B4GALT7: variants seen among roughly 807,000 people sequenced by gnomAD.
B4GALT7 encodes the protein beta-1,4-galactosyltransferase 7.
In B4GALT7, 30 loss-of-function variants were observed where a neutral mutation model predicts 33.0. The observed-to-expected ratio is 0.91, with a 90% CI of 0.68 to 1.23. B4GALT7 has a LOEUF of 1.23. Among genes scored for constraint, B4GALT7 ranks in the 50% most tolerant of loss-of-function variants. The probability of loss-of-function intolerance (pLI) is 0.00; values close to 1 mark genes in which losing one functional copy is unlikely to be tolerated. For synonymous variants in B4GALT7, 213 were observed against 187.2 expected, an observed-to-expected ratio of 1.14 and a Z score of -1.13; for missense variants, 507 against 450.8, an observed-to-expected ratio of 1.12 and a Z score of -1.13.
rs777092684 is a variant in B4GALT7, at chr5:177,604,367, C to A, written c.239C>A (p.Pro80His). 6.2e-7 allele frequency: 1 copy of A among 1,613,030 alleles called. No individual in the cohort carries two copies. Among genetic ancestry groups the A allele is most frequent in the South Asian group, 1.1e-5 (1 of 91,032 alleles). The change falls in exon 2 of 6, where the codon CCC becomes CAC. Residue 80 changes from proline to histidine, a missense_variant. Transcript: ENST00000029410. ...CCCCGTGCCTGCCCCCCAGAGCCGCCCCCTGAGCACTGGGAAGAAGACGCA... is the reference window on the plus strand; with the variant it reads ...CCCCGTGCCTGCCCCCCAGAGCCGCACCCTGAGCACTGGGAAGAAGACGCA... ...GPPRACPPEP[P>H]PEHWEEDASW...
chr5:177,606,708 C>G lies in B4GALT7; in HGVS notation c.414-594C>G. On this transcript the variant is annotated intron_variant, in intron 2 of 5. Coordinates refer to ENST00000029410, the MANE Select transcript of B4GALT7 (RefSeq NM_007255.3). This position sits in a 1 kb window ranked among gnomAD's most constrained non-coding sequence, Gnocchi z 4.2. ...ACCCATCTTACCCGAGTCAAAGCCC[C>G]GTCCTTCAGTGGCCCTTGGGCCTTG... The G allele has an allele frequency of 4.9e-6, 1 of 206,128 alleles. No homozygotes were observed. The highest frequency in any genetic ancestry group is 8.6e-5 in the South Asian group (1 of 11,586). 12.8% of individuals were successfully genotyped at this position (206,128 alleles called of 1,614,324 possible).
chr5:177,604,104 G>C lies in B4GALT7; in HGVS notation c.51-75G>C, dbSNP rs535989764. ...ACGAGTTATGTGCAGCCTCCTCGTGGGGAGGCCAGAGAACGGGTCTGTCAC... is the reference window on the plus strand; with the variant it reads ...ACGAGTTATGTGCAGCCTCCTCGTGCGGAGGCCAGAGAACGGGTCTGTCAC... On this transcript the variant is annotated intron_variant, in intron 1 of 5. Coordinates refer to ENST00000029410, the MANE Select transcript of B4GALT7 (RefSeq NM_007255.3). 2.5e-6 allele frequency: 4 copies of C among 1,600,300 alleles called. No homozygotes were observed. In the African/African-American group the frequency reaches 4.0e-5, roughly 16 times the overall value.
At position 177,604,479 on chromosome 5, in the gene B4GALT7, C is replaced by T. The variant is rs1478881105; in HGVS notation, c.351C>T (p.Arg117=). 11 of 1,614,048 alleles carry T rather than the reference C, an allele frequency of 6.8e-6. No individual in the cohort carries two copies. The African/African-American group carries it at 1.3e-4, about 20-fold the overall frequency. ...ELLVFVPHMR[R]FLSRKKIRHH... is the part of the protein sequence containing the mutation. Reference sequence around the variant, plus strand: ...TGGTCTTCGTGCCCCACATGCGCCGCTTCCTGAGCAGGAAGAAGATCCGGC... The same window carrying T: ...TGGTCTTCGTGCCCCACATGCGCCGTTTCCTGAGCAGGAAGAAGATCCGGC... The change falls in exon 2 of 6, where the codon CGC becomes CGT. Residue 117 remains arginine (R), a synonymous_variant. Coordinates refer to ENST00000029410, the MANE Select transcript of B4GALT7 (RefSeq NM_007255.3).
At chr5:177,602,358 T>C (rs1767869623) in intron 1 of B4GALT7, among the ~76,000 whole-genome samples, 1 of 152,190 alleles carries the variant, frequency 6.6e-6, no homozygotes, top group Non-Finnish European at 1.5e-5. Context: ...CCTGACTGCC[T>C]TACCCCTTTC....
intron 1 of B4GALT7, chr5:177,602,752 C>A: frequency 1.2e-6 from 1 of 865,076 alleles, no homozygotes; most frequent in Non-Finnish European, 1.4e-6. Context: ...CTTTGACTGT[C>A]AGGCCAAAGG....
In B4GALT7 at chr5:177,600,457, C is replaced by G. The variant is rs1767815829; in HGVS notation, c.50+197C>G. 6.6e-6 allele frequency among the ~76,000 whole-genome samples: 1 copy of G among 151,754 alleles called. No individual in the cohort carries two copies. Among genetic ancestry groups the G allele is most frequent in the African/African-American group, 2.4e-5 (1 of 41,306 alleles). On this transcript the variant is annotated intron_variant, in intron 1 of 5. Transcript: ENST00000029410. The surrounding 1 kb of genome is among the most constrained non-coding windows in gnomAD (Gnocchi z 4.4). ...CCTGTGGGTCTCTGCCTCCCCCGCC[C>G]CCTCTCCCTTTCCGCGGCACTCGTC... is the stretch of plus-strand genomic sequence containing the variant.
Position 177,608,838 on chromosome 5 carries a change from C to A in B4GALT7, c.724-72C>A. 1 of 1,385,604 alleles carries A rather than the reference C, an allele frequency of 7.2e-7. No individual in the cohort carries two copies. The highest frequency in any genetic ancestry group is 1.0e-6 in the Non-Finnish European group (1 of 976,768). The allele number at this position is 1,385,604 out of a possible 1,614,324, so 85.8% of individuals were successfully genotyped here. Reference sequence around the variant, plus strand: ...GAGTGCAGGTCCCTTCCTGTGGGACCTCGGGAGCTGGTGGTGAGGGCTGGG... The same window carrying A: ...GAGTGCAGGTCCCTTCCTGTGGGACATCGGGAGCTGGTGGTGAGGGCTGGG... On this transcript the variant is annotated intron_variant, in intron 4 of 5. Transcript: ENST00000029410. The surrounding 1 kb of genome is among the most constrained non-coding windows in gnomAD (Gnocchi z 4.1).
chr5:177,606,263 C>T lies in B4GALT7; in HGVS notation c.414-1039C>T, dbSNP rs542545472. ...CCCAGCCATCTACACAGTCCCTCCA[C>T]GTGGTGGCCTCAGAGCTACTGCAAG... On this transcript the variant is annotated intron_variant, in intron 2 of 5. Transcript: ENST00000029410. This position sits in a 1 kb window ranked among gnomAD's most constrained non-coding sequence, Gnocchi z 4.2. 139 of 152,558 alleles carry T rather than the reference C, an allele frequency of 9.1e-4. No homozygotes were observed. Among genetic ancestry groups the T allele is most frequent in the African/African-American group, 3.2e-3 (131 of 41,562 alleles). 9.5% of individuals were successfully genotyped at this position (152,558 alleles called of 1,614,324 possible). A position where few individuals can be genotyped will look rare whatever the true frequency, so the allele number is the denominator to read the frequency against.
chr5:177,607,042 T>C (rs1768034744), intron 2 of B4GALT7: 1 of 565,660 alleles, frequency 1.8e-6, no homozygotes, highest in Non-Finnish European at 3.2e-6. Context: ...CTTGTTTCTG[T>C]TTCCTTCTAT....
chr5:177,607,016 C>A, intron 2 of B4GALT7: 2 of 511,988 alleles, frequency 3.9e-6, no homozygotes, highest in Middle Eastern at 5.5e-4. Context: ...CCACTGCTGG[C>A]CACGCTTTGT....
Position 177,600,426 on chromosome 5 carries a change from TCTGTCC to T in B4GALT7, c.50+171_50+176del, listed in dbSNP as rs1767815423. Among the ~76,000 whole-genome samples the T allele has an allele frequency of 6.6e-6, 1 of 152,106 alleles. No homozygotes were observed. Among genetic ancestry groups the T allele is most frequent in the Non-Finnish European group, 1.5e-5 (1 of 68,004 alleles). Reference sequence around the variant, plus strand: ...CCCTGGCGCTCTGTTCCGGTTTCTGTCTGTCCCTGTGGGTCTCTGCCTCCCCCGCCC... The same window carrying T: ...CCCTGGCGCTCTGTTCCGGTTTCTGTCTGTGGGTCTCTGCCTCCCCCGCCC... On this transcript the variant is annotated intron_variant, in intron 1 of 5. Coordinates refer to ENST00000029410, the MANE Select transcript of B4GALT7 (RefSeq NM_007255.3). The surrounding 1 kb of genome is among the most constrained non-coding windows in gnomAD (Gnocchi z 4.4).
Position 177,609,841 on chromosome 5 carries a change from C to T in B4GALT7, c.*146C>T. 8.8e-7 allele frequency: 1 copy of T among 1,135,482 alleles called. No homozygotes were observed. Among genetic ancestry groups the T allele is most frequent in the Admixed American group, 2.1e-5 (1 of 48,302 alleles). 70.3% of individuals were successfully genotyped at this position (1,135,482 alleles called of 1,614,324 possible). A position where few individuals can be genotyped will look rare whatever the true frequency, so the allele number is the denominator to read the frequency against. ...CTACGCAATTGCAGCCACCCGGCCGCCAAGGCAGGCTTGGGCTGGGCCAGG... is the reference window on the plus strand; with the variant it reads ...CTACGCAATTGCAGCCACCCGGCCGTCAAGGCAGGCTTGGGCTGGGCCAGG... On this transcript the variant is annotated 3_prime_UTR_variant, in exon 6 of 6. Coordinates refer to ENST00000029410, the MANE Select transcript of B4GALT7 (RefSeq NM_007255.3).
Position 177,608,894 on chromosome 5 carries a change from C to A in B4GALT7, c.724-16C>A. The A allele has an allele frequency of 6.2e-7, 1 of 1,610,326 alleles. No homozygotes were observed. The highest frequency in any genetic ancestry group is 8.5e-7 in the Non-Finnish European group (1 of 1,177,306). ...AGGAAGGGCAGCCTGACCCCGACTT[C>A]CTTGGACCTCCCTAGCTTTTCCGCC... On this transcript the variant is annotated splice_polypyrimidine_tract_variant and intron_variant, in intron 4 of 5. Transcript: ENST00000029410. This position sits in a 1 kb window ranked among gnomAD's most constrained non-coding sequence, Gnocchi z 4.1.
In B4GALT7 at chr5:177,608,720, C is replaced by A; in HGVS notation, c.723+98C>A. ...TGAAGCTCCTGGGGTCTGGAGATGG[C>A]CCTGATTCTGATCCCTGCCCTAACC... On this transcript the variant is annotated intron_variant, in intron 4 of 5. Coordinates refer to ENST00000029410, the MANE Select transcript of B4GALT7 (RefSeq NM_007255.3). The surrounding 1 kb of genome is among the most constrained non-coding windows in gnomAD (Gnocchi z 4.1). The A allele has an allele frequency of 7.9e-7, 1 of 1,263,692 alleles. No individual in the cohort carries two copies. The allele number at this position is 1,263,692 out of a possible 1,614,324, so 78.3% of individuals were successfully genotyped here. A position where few individuals can be genotyped will look rare whatever the true frequency, so the allele number is the denominator to read the frequency against.
chr5:177,609,573 A>C lies in B4GALT7; in HGVS notation c.862A>C (p.Asn288His). 1 of 1,613,750 alleles carries C rather than the reference A, an allele frequency of 6.2e-7. No individual in the cohort carries two copies. Among genetic ancestry groups the C allele is most frequent in the Non-Finnish European group, 8.5e-7 (1 of 1,180,008 alleles). ...QFKVDREGGLNTVKYHVASRT... is the reference protein window; with the variant it reads ...QFKVDREGGLHTVKYHVASRT... ...CAAGGTGGACAGGGAGGGAGGCCTG[A>C]ACACTGTGAAGTACCATGTGGCTTC... is the stretch of plus-strand genomic sequence containing the variant. The change falls in exon 6 of 6, where the codon AAC becomes CAC. Residue 288 changes from asparagine (N) to histidine (H), a missense_variant. Transcript: ENST00000029410.
Position 177,604,395 on chromosome 5 carries a change from C to CT in B4GALT7, c.268dup (p.Trp90LeufsTer76), listed in dbSNP as rs1156974915. ...CTGAGCACTGGGAAGAAGACGCATC[C>CT]TGGGGCCCCCACCGCCTGGCAGTGC... On this transcript the variant is annotated frameshift_variant, in exon 2 of 6. Transcript: ENST00000029410. LOFTEE classifies it high-confidence loss of function. The CT allele has an allele frequency of 6.2e-7, 1 of 1,613,622 alleles. No individual in the cohort carries two copies. The highest frequency in any genetic ancestry group is 1.3e-5 in the African/African-American group (1 of 74,900).
Position 177,609,851 on chromosome 5 carries a change from C to A in B4GALT7, c.*156C>A. 1 of 1,035,402 alleles carries A rather than the reference C, an allele frequency of 9.7e-7. No individual in the cohort carries two copies. Among genetic ancestry groups the A allele is most frequent in the Non-Finnish European group, 1.4e-6 (1 of 706,324 alleles). 64.1% of individuals were successfully genotyped at this position (1,035,402 alleles called of 1,614,324 possible). ...GCAGCCACCCGGCCGCCAAGGCAGG[C>A]TTGGGCTGGGCCAGGACACGTGGGG... On this transcript the variant is annotated 3_prime_UTR_variant, in exon 6 of 6. Coordinates refer to ENST00000029410, the MANE Select transcript of B4GALT7 (RefSeq NM_007255.3).
Position 177,600,802 on chromosome 5 carries a change from C to T in B4GALT7, c.50+542C>T, listed in dbSNP as rs1376914525. Reference sequence around the variant, plus strand: ...CTTCCCCCCATCCTTCGCAGGCCACCAGCAGAACCCACCAGACAGAAGCTC... The same window carrying T: ...CTTCCCCCCATCCTTCGCAGGCCACTAGCAGAACCCACCAGACAGAAGCTC... On this transcript the variant is annotated intron_variant, in intron 1 of 5. Coordinates refer to ENST00000029410, the MANE Select transcript of B4GALT7 (RefSeq NM_007255.3). This position sits in a 1 kb window ranked among gnomAD's most constrained non-coding sequence, Gnocchi z 4.4. Among the ~76,000 whole-genome samples the T allele has an allele frequency of 1.3e-5, 2 of 152,128 alleles. No individual in the cohort carries two copies. The highest frequency in any genetic ancestry group is 1.5e-5 in the Non-Finnish European group (1 of 68,034).
rs560198890 is a variant in B4GALT7 at position 177,607,485 on chromosome 5, T to C, written c.597T>C (p.Tyr199=). 7 of 1,613,542 alleles carry C rather than the reference T, an allele frequency of 4.3e-6. No individual in the cohort carries two copies. Among genetic ancestry groups the C allele is most frequent in the African/African-American group, 2.7e-5 (2 of 75,070 alleles). ...ELHPLYHYKT[Y]VGGILLLSKQ... ...ACCCTCTCTACCACTACAAGACCTA[T>C]GTCGGCGGCATCCTGCTGCTCTCCA... is the stretch of plus-strand genomic sequence containing the variant. The change falls in exon 3 of 6, where the codon TAT becomes TAC. Residue 199 remains tyrosine, a synonymous_variant. Coordinates refer to ENST00000029410, the MANE Select transcript of B4GALT7 (RefSeq NM_007255.3).
Sources: gnomAD v4.1 joint callset for allele counts (sites outside exome capture counted in the v4.1 genomes callset) on GRCh38, gnomAD v4.1.1 for gene constraint, Gnocchi (gnomAD v3.1) non-coding constraint, MANE v1.5 for transcripts, NCBI Gene and HGNC (gene_info 2026-07-23, HGNC 2026-07-21) for gene names.